Variants in SPTB observed in about 807,000 individuals in gnomAD.
SPTB encodes the protein spectrin beta chain, erythrocytic.
A neutral mutation model predicts 256.2 loss-of-function variants in SPTB; 45 were observed. That is an observed-to-expected ratio of 0.18 (90% CI 0.14 to 0.23). The LOEUF is 0.23. SPTB is among the 10% of genes least tolerant of loss of function. SPTB has a pLI of 1.00. For synonymous variants in SPTB, 1,231 were observed against 1,243.1 expected, an observed-to-expected ratio of 0.99 and a Z score of 0.21; for missense variants, 2,715 against 3,040.4, an observed-to-expected ratio of 0.89 and a Z score of 2.52.
rs370778123 is a variant in SPTB, at chr14:64,802,284, G to A, written c.508C>T (p.Arg170Cys). 8.7e-6 allele frequency: 14 copies of A among 1,614,082 alleles called. No individual in the cohort carries two copies. Among genetic ancestry groups the A allele is most frequent in the Admixed American group, 1.7e-5 (1 of 60,010 alleles). The part of the protein sequence containing the change: ...QDIVVQTQEG[R>C]ETRSAKDALL... Reference sequence around the variant, plus strand: ...GCATCCTTGGCTGAGCGTGTTTCACGACCTTCCTGAGTTTGGACCACAATG... The same window carrying A: ...GCATCCTTGGCTGAGCGTGTTTCACAACCTTCCTGAGTTTGGACCACAATG... The change falls in exon 5 of 36, where the codon CGT becomes TGT. Residue 170 changes from arginine to cysteine, a missense_variant. Arg to Cys is a radical substitution (Grantham distance 180, BLOSUM62 -3). Around this residue, in one of 4 missense-constraint regions of SPTB, gnomAD observed 416 missense variants for 571.1 expected, o/e 0.73. Transcript: ENST00000644917. This position sits in a 1 kb window ranked among gnomAD's most constrained non-coding sequence, Gnocchi z 5.1.
chr14:64,853,413 C>A lies in SPTB; in HGVS notation c.-52+26379G>T, dbSNP rs906475751. On this transcript the variant is annotated intron_variant, in intron 1 of 35. Transcript: ENST00000644917. The surrounding 1 kb of genome is among the most constrained non-coding windows in gnomAD (Gnocchi z 4.3). ...AAGAACAAAGCAATTTAGGAGATAACCATATCAGGAAGCCTCAGGGGAGGA... is the reference window on the plus strand; with the variant it reads ...AAGAACAAAGCAATTTAGGAGATAAACATATCAGGAAGCCTCAGGGGAGGA... Among the ~76,000 whole-genome samples, 3 of 152,118 alleles carry A rather than the reference C, an allele frequency of 2.0e-5. No homozygotes were observed. Among genetic ancestry groups the A allele is most frequent in the Non-Finnish European group, 2.9e-5 (2 of 68,010 alleles).
At chr14:64,835,572 C>A (rs2083511925) in intron 1 of SPTB, among the ~76,000 whole-genome samples, 1 of 152,200 alleles carries the variant, frequency 6.6e-6, no homozygotes, top group Non-Finnish European at 1.5e-5. Context: ...TATGCACAAT[C>A]TCCCAGGTCT....
intron 2 of SPTB, among the ~76,000 whole-genome samples, chr14:64,812,814 C>G (rs898064737): frequency 1.3e-5 from 2 of 152,170 alleles, no homozygotes; most frequent in African/African-American, 4.8e-5. Flanking sequence ...AGCTTCATCT[C>G]CCATTTCTGG....
At chr14:64,788,682 A>G (rs1273533193) in intron 15 of SPTB, among the ~76,000 whole-genome samples, 4 of 152,198 alleles carry the variant, frequency 2.6e-5, no homozygotes, top group African/African-American at 9.7e-5. Context: ...CCTTTCCTGG[A>G]GTGGCCTCAC....
chr14:64,841,315 T>C lies in SPTB; in HGVS notation c.-51-18170A>G, dbSNP rs1483232043. Among the ~76,000 whole-genome samples the C allele has an allele frequency of 1.3e-5, 2 of 152,032 alleles. No homozygotes were observed. The highest frequency in any genetic ancestry group is 4.8e-5 in the African/African-American group (2 of 41,394). Reference sequence around the variant, plus strand: ...CCCTGCCCTTACCTCCTGTGATCACTGCCCTGTCAACCCAGCCAGACCCAA... The same window carrying C: ...CCCTGCCCTTACCTCCTGTGATCACCGCCCTGTCAACCCAGCCAGACCCAA... On this transcript the variant is annotated intron_variant, in intron 1 of 35. Transcript: ENST00000644917. This position sits in a 1 kb window ranked among gnomAD's most constrained non-coding sequence, Gnocchi z 4.6.
intron 2 of SPTB, among the ~76,000 whole-genome samples, chr14:64,820,619 G>A (rs933212938): frequency 2.6e-5 from 4 of 152,232 alleles, no homozygotes; most frequent in Non-Finnish European, 5.9e-5. Flanking sequence ...TCCTGGTGAG[G>A]AGGAGGCTCA....
At position 64,772,986 on chromosome 14, in the gene SPTB, G is replaced by GA; in HGVS notation, c.5179-33_5179-32insT. On this transcript the variant is annotated intron_variant, in intron 25 of 35. Transcript: ENST00000644917. This position sits in a 1 kb window ranked among gnomAD's most constrained non-coding sequence, Gnocchi z 5.4. ...ATGGGGCAGACAGAAATGTGGTTAT[G>GA]GGGGGCACAGGGGTTACAGGTGTCA... 1 of 1,588,368 alleles carries GA rather than the reference G, an allele frequency of 6.3e-7. No homozygotes were observed. Among genetic ancestry groups the GA allele is most frequent in the Non-Finnish European group, 8.5e-7 (1 of 1,170,456 alleles).
At chr14:64,765,025 C>CGT (rs565885364) in intron 32 of SPTB, among the ~76,000 whole-genome samples, 13,451 of 118,116 alleles carry the variant, frequency 0.11, 1,234 homozygotes, top group African/African-American at 0.26. Context: ...GGAGTGTGTG[C>CGT]GTGTGTGTGT....
intron 1 of SPTB, among the ~76,000 whole-genome samples, chr14:64,837,907 T>C (rs1413948355): frequency 6.6e-6 from 1 of 152,040 alleles, no homozygotes; most frequent in African/African-American, 2.4e-5. Flanking sequence ...CCACCGCGCG[T>C]GGCCAACAAG....
At position 64,769,137 on chromosome 14, in the gene SPTB, G is replaced by T. The variant is rs1383199905; in HGVS notation, c.5938-19C>A. The T allele has an allele frequency of 6.2e-7, 1 of 1,610,818 alleles. No homozygotes were observed. ...CGCGGATCTATGGGGAGGAAAGGGA[G>T]AAAAGCTCAGGCTTGGCTCACCCTT... is the stretch of plus-strand genomic sequence containing the variant. On this transcript the variant is annotated intron_variant, in intron 28 of 35. Transcript: ENST00000644917.
chr14:64,752,643 T>C (rs1453964444), intron 33 of SPTB, among the ~76,000 whole-genome samples: 2 of 152,250 alleles, frequency 1.3e-5, no homozygotes, highest in Non-Finnish European at 2.9e-5. Context: ...TAGTAGATGC[T>C]CAGTAAATGT....
At chr14:64,856,320 C>A (rs954437234) in intron 1 of SPTB, among the ~76,000 whole-genome samples, 28 of 152,130 alleles carry the variant, frequency 1.8e-4, no homozygotes, top group African/African-American at 6.3e-4. Flanking sequence ...CAGGACTCTT[C>A]ACAGCTGCCA....
Position 64,773,211 on chromosome 14 carries a change from G to T in SPTB, c.5178+9C>A. On this transcript the variant is annotated intron_variant, in intron 25 of 35. Coordinates refer to ENST00000644917, the MANE Select transcript of SPTB (RefSeq NM_001355436.2). ...AAAGACAAAAACAGCAGGAGTTGTG[G>T]CTACTCACAGTCACGTGGTCAAAGT... 1 of 1,614,146 alleles carries T rather than the reference G, an allele frequency of 6.2e-7. No homozygotes were observed. The highest frequency in any genetic ancestry group is 8.5e-7 in the Non-Finnish European group (1 of 1,180,022).
At chr14:64,854,678 C>T (rs1009916652) in intron 1 of SPTB, among the ~76,000 whole-genome samples, 1 of 151,414 alleles carries the variant, frequency 6.6e-6, no homozygotes, top group Non-Finnish European at 1.5e-5. Flanking sequence ...TGTAGGATTT[C>T]CATTTGCTGG....
In SPTB at chr14:64,801,275, TG is replaced by T. The variant is rs1318399132; in HGVS notation, c.763+9del. On this transcript the variant is annotated intron_variant, in intron 7 of 35. Transcript: ENST00000644917. ...TGCAGCAAAGGCTGGCAGGGGTGGG[TG>T]TGGCTCACCTTCGGGGTCGAGGAGC... The T allele has an allele frequency of 1.2e-6, 2 of 1,607,986 alleles. No individual in the cohort carries two copies. Among genetic ancestry groups the T allele is most frequent in the East Asian group, 4.5e-5 (2 of 44,846 alleles).
rs1409832126 is a variant in SPTB, at chr14:64,750,119, C to G, written c.6638G>C (p.Ser2213Thr). The change falls in exon 34 of 36, where the codon AGT becomes ACT. Residue 2213 changes from serine (S) to threonine (T), a missense_variant. This residue lies in a region of SPTB where 2,239 missense variants were observed against 2,384.4 expected (regional missense o/e 0.94). Coordinates refer to ENST00000644917, the MANE Select transcript of SPTB (RefSeq NM_001355436.2). ...GGCATCCTTGTAGAAGGTTAGCTCA[C>G]TGTTCCTGAGCACACAGTACAGGTT... ...WNNLYCVLRN[S>T]ELTFYKDAKN... is the part of the protein sequence containing the mutation. 1 of 1,614,058 alleles carries G rather than the reference C, an allele frequency of 6.2e-7. No homozygotes were observed.
rs569866126 is a variant in SPTB, at chr14:64,796,150, C to T, written c.1341+407G>A. Among the ~76,000 whole-genome samples, 1 of 152,230 alleles carries T rather than the reference C, an allele frequency of 6.6e-6. No homozygotes were observed. The highest frequency in any genetic ancestry group is 1.5e-5 in the Non-Finnish European group (1 of 68,042). ...GGGAACAGATGCTCTGATGAAGAATCAGCCCTGGGGTCAATTCTTAGCTAG... is the reference window on the plus strand; with the variant it reads ...GGGAACAGATGCTCTGATGAAGAATTAGCCCTGGGGTCAATTCTTAGCTAG... On this transcript the variant is annotated intron_variant, in intron 11 of 35. Coordinates refer to ENST00000644917, the MANE Select transcript of SPTB (RefSeq NM_001355436.2). This position sits in a 1 kb window ranked among gnomAD's most constrained non-coding sequence, Gnocchi z 4.1.
In SPTB at chr14:64,779,317, G is replaced by T; in HGVS notation, c.4474-71C>A. On this transcript the variant is annotated intron_variant, in intron 21 of 35. Coordinates refer to ENST00000644917, the MANE Select transcript of SPTB (RefSeq NM_001355436.2). This position sits in a 1 kb window ranked among gnomAD's most constrained non-coding sequence, Gnocchi z 4.2. ...AACCTTTCCTGAGTGCTCACCATGGGCGGCGCAGAGCTTTGCTGGCAGTGT... is the reference window on the plus strand; with the variant it reads ...AACCTTTCCTGAGTGCTCACCATGGTCGGCGCAGAGCTTTGCTGGCAGTGT... The T allele has an allele frequency of 7.7e-7, 1 of 1,299,462 alleles. No individual in the cohort carries two copies. Among genetic ancestry groups the T allele is most frequent in the Non-Finnish European group, 1.1e-6 (1 of 910,454 alleles). The allele number at this position is 1,299,462 out of a possible 1,614,324, so 80.5% of individuals were successfully genotyped here. A position where few individuals can be genotyped will look rare whatever the true frequency, so the allele number is the denominator to read the frequency against.
In SPTB at chr14:64,796,802, G is replaced by A; in HGVS notation, c.1183-87C>T. 18 of 1,546,822 alleles carry A rather than the reference G, an allele frequency of 1.2e-5. No individual in the cohort carries two copies. Among genetic ancestry groups the A allele is most frequent in the Middle Eastern group, 1.7e-4 (1 of 5,950 alleles). ...CCACCCCTTTCACCCAACACTGAGT[G>A]ATTTCTGGAATCAAGGTACAGCCTG... On this transcript the variant is annotated intron_variant, in intron 10 of 35. Transcript: ENST00000644917. The surrounding 1 kb of genome is among the most constrained non-coding windows in gnomAD (Gnocchi z 4.1).
Sources: allele counts gnomAD v4.1 joint callset (sites outside exome capture counted in the v4.1 genomes callset), GRCh38; gene constraint gnomAD v4.1.1; regional missense constraint gnomAD v4.1.1; non-coding constraint Gnocchi (gnomAD v3.1); transcripts MANE v1.5; gene names NCBI Gene and HGNC (gene_info 2026-07-23, HGNC 2026-07-21).